Variants in PLXNA4 observed in about 807,000 individuals in gnomAD.
PLXNA4 encodes the protein plexin-A4.
A neutral mutation model predicts 191.8 loss-of-function variants in PLXNA4; 44 were observed. The observed-to-expected ratio is 0.23, with a 90% CI of 0.18 to 0.29. PLXNA4 has a LOEUF of 0.29. Among genes scored for constraint, PLXNA4 ranks in the 10% least tolerant of loss-of-function variants. The probability of loss-of-function intolerance (pLI) is 1.00; values close to 1 mark genes in which losing one functional copy is unlikely to be tolerated. For missense variants in PLXNA4, 1,800 were observed against 2,488.8 expected (o/e 0.72, Z 5.89); for synonymous variants, 1,082 against 1,009.5 (o/e 1.07, Z -1.36).
chr7:132,189,359 A>G (rs548240718), intron 14 of PLXNA4, among the ~76,000 whole-genome samples: 86 of 152,216 alleles, frequency 5.6e-4, no homozygotes, highest in African/African-American at 2.0e-3. Flanking sequence ...CAAATTCTGC[A>G]TTACTTGCCA....
intron 4 of PLXNA4, among the ~76,000 whole-genome samples, chr7:132,259,880 C>T (rs924919197): frequency 7.2e-5 from 11 of 152,126 alleles, no homozygotes; most frequent in Non-Finnish European, 1.5e-4. Flanking sequence ...ATCTGAAAAG[C>T]CTACATTGTG....
rs548254091 is a variant in PLXNA4, at chr7:132,434,130, T to C, written c.1371+55162A>G. ...CTTCCCGCCTTTGGTTGCCCTTCCT[T>C]TCCGTTCCTATTTCCTCAGTTTCTG... is the stretch of plus-strand genomic sequence containing the variant. On this transcript the variant is annotated intron_variant, in intron 3 of 31. Coordinates refer to ENST00000321063, the MANE Select transcript of PLXNA4 (RefSeq NM_020911.2). 3.3e-5 allele frequency among the ~76,000 whole-genome samples: 5 copies of C among 152,330 alleles called. No homozygotes were observed. In the South Asian group the frequency reaches 1.0e-3, roughly 32 times the overall value.
chr7:132,502,371 C>T (rs1798292236), intron 2 of PLXNA4, among the ~76,000 whole-genome samples: 1 of 152,200 alleles, frequency 6.6e-6, no homozygotes, highest in South Asian at 2.1e-4. Context: ...TAAAAAGAAA[C>T]AGCTCCATCT....
At position 132,279,448 on chromosome 7, in the gene PLXNA4, G is replaced by T. The variant is rs867145360; in HGVS notation, c.1503+18643C>A. 3.4e-4 allele frequency among the ~76,000 whole-genome samples: 51 copies of T among 152,122 alleles called. 1 individual carries two copies. The highest frequency in any genetic ancestry group is 1.2e-3 in the African/African-American group (50 of 41,402). On this transcript the variant is annotated intron_variant, in intron 4 of 31. Transcript: ENST00000321063. ...GTTTGAGACCAGCCTGGGCAACATA[G>T]TGAGACCCTATTTCTACCAAAAATT...
intron 1 of PLXNA4, among the ~76,000 whole-genome samples, chr7:132,521,992 C>T (rs932791158): frequency 6.6e-6 from 1 of 152,196 alleles, no homozygotes; most frequent in Non-Finnish European, 1.5e-5. Flanking sequence ...ATGCTACTGA[C>T]ATCCCCCTTT....
intron 10 of PLXNA4, among the ~76,000 whole-genome samples, chr7:132,209,250 C>T (rs917475097): frequency 5.9e-5 from 9 of 152,236 alleles, no homozygotes; most frequent in Non-Finnish European, 1.0e-4. Flanking sequence ...CAGGCTCTAT[C>T]CACCCTCCTG....
At chr7:132,613,731 C>A (rs1412274168) in intron 2 of PLXNA4, among the ~76,000 whole-genome samples, 1 of 151,916 alleles carries the variant, frequency 6.6e-6, no homozygotes, top group Non-Finnish European at 1.5e-5. Flanking sequence ...CTATCTATAC[C>A]TGAAATAAAA....
chr7:132,305,017 C>T (rs942990080), intron 3 of PLXNA4, among the ~76,000 whole-genome samples: 28 of 152,322 alleles, frequency 1.8e-4, no homozygotes, highest in African/African-American at 6.5e-4. Flanking sequence ...TCTGGGCAAA[C>T]CTCCTGCGCA....
chr7:132,574,114 T>A (rs1039611827), intron 1 of PLXNA4, among the ~76,000 whole-genome samples: 2 of 152,192 alleles, frequency 1.3e-5, no homozygotes, highest in Non-Finnish European at 1.5e-5. Flanking sequence ...AGTGCAGAGA[T>A]TTTCTGAACC....
chr7:132,506,362 A>T (rs1357792688), intron 2 of PLXNA4, among the ~76,000 whole-genome samples: 1 of 152,222 alleles, frequency 6.6e-6, no homozygotes, highest in Non-Finnish European at 1.5e-5. Flanking sequence ...ATGGAACTCC[A>T]CCAAAGTTTA....
At chr7:132,317,044 C>A (rs62465034) in intron 3 of PLXNA4, among the ~76,000 whole-genome samples, 4 of 151,722 alleles carry the variant, frequency 2.6e-5, no homozygotes, top group African/African-American at 9.7e-5. Context: ...TTGTGTTAGA[C>A]TGGATTTATT....
intron 1 of PLXNA4, among the ~76,000 whole-genome samples, chr7:132,521,107 G>T (rs1462493451): frequency 6.7e-6 from 1 of 150,254 alleles, no homozygotes; most frequent in Admixed American, 6.7e-5. Flanking sequence ...ACATATTTCA[G>T]CTGTGTGCTG....
At chr7:132,373,308 A>G (rs559265932) in intron 3 of PLXNA4, among the ~76,000 whole-genome samples, 1 of 152,288 alleles carries the variant, frequency 6.6e-6, no homozygotes, top group Non-Finnish European at 1.5e-5. Context: ...CAGTCTTGCA[A>G]TGTTCTCTCC....
In PLXNA4 at chr7:132,277,331, G is replaced by A. The variant is rs555520184; in HGVS notation, c.1503+20760C>T. Among the ~76,000 whole-genome samples, 3 of 152,312 alleles carry A rather than the reference G, an allele frequency of 2.0e-5. No individual in the cohort carries two copies. The South Asian group carries it at 6.2e-4, about 32-fold the overall frequency. ...CCTCCCACCTTCCCTAAATCAGTGTGAAGATGCATTTAAATGCACCAGATG... is the reference window on the plus strand; with the variant it reads ...CCTCCCACCTTCCCTAAATCAGTGTAAAGATGCATTTAAATGCACCAGATG... On this transcript the variant is annotated intron_variant, in intron 4 of 31. Coordinates refer to ENST00000321063, the MANE Select transcript of PLXNA4 (RefSeq NM_020911.2).
intron 2 of PLXNA4, chr7:132,645,859 T>C (rs1460657458): frequency 6.6e-6 from 1 of 152,524 alleles, no homozygotes. Context: ...AACAGGACTG[T>C]AAAGAGAGAG....
intron 9 of PLXNA4, among the ~76,000 whole-genome samples, chr7:132,211,600 T>A (rs560513379): frequency 1.3e-5 from 2 of 152,314 alleles, no homozygotes; most frequent in East Asian, 3.9e-4. Context: ...GTTCTGCCCC[T>A]GGAATGTGAG....
intron 4 of PLXNA4, among the ~76,000 whole-genome samples, chr7:132,289,974 C>T (rs546457635): frequency 6.6e-6 from 1 of 152,180 alleles, no homozygotes; most frequent in Non-Finnish European, 1.5e-5. Context: ...CTGGTTTACG[C>T]TGGAAGGAGC....
upstream of PLXNA4, among the ~76,000 whole-genome samples, chr7:132,577,602 C>T (rs1021825202): frequency 2.6e-5 from 4 of 152,138 alleles, no homozygotes; most frequent in African/African-American, 9.6e-5. Context: ...TCCGCACCAA[C>T]GTTTGCCGAC....
chr7:132,495,061 G>A (rs1280526656), intron 2 of PLXNA4, among the ~76,000 whole-genome samples: 1 of 152,156 alleles, frequency 6.6e-6, no homozygotes, highest in East Asian at 1.9e-4. Flanking sequence ...CACCCACTCT[G>A]ACAGCCACAT....
Sources: gnomAD v4.1 joint callset for allele counts (sites outside exome capture counted in the v4.1 genomes callset) on GRCh38, gnomAD v4.1.1 for gene constraint, MANE v1.5 for transcripts, NCBI Gene and HGNC (gene_info 2026-07-23, HGNC 2026-07-21) for gene names.